The following PTPRF variants were observed in gnomAD, a reference collection of about 807,000 sequenced individuals.
PTPRF encodes the protein protein tyrosine phosphatase receptor type F, also known as receptor-type tyrosine-protein phosphatase F.
A neutral mutation model predicts 201.8 loss-of-function variants in PTPRF; 59 were observed. That is an observed-to-expected ratio of 0.29 (90% CI 0.24 to 0.36). The LOEUF is 0.36. Ranked by LOEUF, PTPRF falls within the 10% of genes least tolerant of loss-of-function variation. PTPRF has a pLI of 1.00. For synonymous variants in PTPRF, 1,088 were observed against 1,089.7 expected (o/e 1.00, Z 0.03); for missense variants, 2,132 against 2,690.5 (o/e 0.79, Z 4.59).
chr1:43,586,067 A>G (rs1237052900), intron 7 of PTPRF, among the ~76,000 whole-genome samples: 1 of 152,128 alleles, frequency 6.6e-6, no homozygotes, highest in African/African-American at 2.4e-5. Flanking sequence ...TTTTCATCAC[A>G]CAGACCTACT....
intron 5 of PTPRF, among the ~76,000 whole-genome samples, chr1:43,556,021 G>T (rs1159466415): frequency 6.6e-6 from 1 of 152,148 alleles, no homozygotes; most frequent in Non-Finnish European, 1.5e-5. Flanking sequence ...GCCAAGCAGG[G>T]CAGAAGAGGG....
At chr1:43,523,985 C>G (rs1643022270), upstream of PTPRF, among the ~76,000 whole-genome samples, 1 of 141,236 alleles carries the variant, frequency 7.1e-6, no homozygotes, top group African/African-American at 2.6e-5. Context: ...ATCACCTGAA[C>G]TCAGGAGGTG....
rs946828468 is a variant in PTPRF, at chr1:43,622,923, C to T, written c.*920C>T. On this transcript the variant is annotated 3_prime_UTR_variant, in exon 34 of 34. Transcript: ENST00000359947. Reference sequence around the variant, plus strand: ...AAAAAAAAAAAGAGTCAGCCCTTGGCTTCTGCTTCAAACCCTCAAGAGGGG... The same window carrying T: ...AAAAAAAAAAAGAGTCAGCCCTTGGTTTCTGCTTCAAACCCTCAAGAGGGG... 5 of 152,354 alleles carry T rather than the reference C, an allele frequency of 3.3e-5. No homozygotes were observed. The highest frequency in any genetic ancestry group is 5.9e-5 in the Non-Finnish European group (4 of 68,014). The allele number at this position is 152,354 out of a possible 1,614,324, so 9.4% of individuals were successfully genotyped here. A position where few individuals can be genotyped will look rare whatever the true frequency, so the allele number is the denominator to read the frequency against.
At position 43,603,773 on chromosome 1, in the gene PTPRF, A is replaced by T. The variant is rs780471380; in HGVS notation, c.2621A>T (p.Asp874Val). 23 of 1,613,904 alleles carry T rather than the reference A, an allele frequency of 1.4e-5. No homozygotes were observed. Among genetic ancestry groups the T allele is most frequent in the Non-Finnish European group, 1.9e-5 (22 of 1,180,036 alleles). The change falls in exon 16 of 34, where the codon GAC becomes GTC. Residue 874 changes from aspartate to valine, a missense_variant. Around this residue, in one of 6 missense-constraint regions of PTPRF, gnomAD observed 818 missense variants for 915.3 expected, o/e 0.89. Transcript: ENST00000359947. The surrounding 1 kb of genome is among the most constrained non-coding windows in gnomAD (Gnocchi z 5.8). ...AACACCATAGATTTCGGCAAGGATGACCAGCACTTCACAGTCACCGGCCTG... is the reference window on the plus strand; with the variant it reads ...AACACCATAGATTTCGGCAAGGATGTCCAGCACTTCACAGTCACCGGCCTG... The part of the protein sequence containing the change: ...RPNTIDFGKD[D>V]QHFTVTGLHK...
intron 7 of PTPRF, chr1:43,579,140 A>G (rs1647141364): frequency 1.4e-6 from 1 of 703,650 alleles, no homozygotes; most frequent in African/African-American, 1.8e-5. Flanking sequence ...CCCATGGGGA[A>G]GCAGCCACTC....
chr1:43,561,379 C>G (rs975184692), intron 5 of PTPRF, among the ~76,000 whole-genome samples: 1 of 152,186 alleles, frequency 6.6e-6, no homozygotes, highest in Non-Finnish European at 1.5e-5. Context: ...TTGGCCCAGG[C>G]CTGACTTTGA....
chr1:43,556,908 G>A (rs919630120), intron 5 of PTPRF, among the ~76,000 whole-genome samples: 5 of 152,226 alleles, frequency 3.3e-5, no homozygotes, highest in Non-Finnish European at 5.9e-5. Flanking sequence ...GCTCCCACGG[G>A]GGGACATACC....
At chr1:43,614,167 A>G (rs558608690) in intron 23 of PTPRF, among the ~76,000 whole-genome samples, 1 of 152,310 alleles carries the variant, frequency 6.6e-6, no homozygotes, top group South Asian at 2.1e-4. Flanking sequence ...GGGGACTGTT[A>G]TTATCCCATC....
In PTPRF at chr1:43,537,034, T is replaced by C. The variant is rs1260586148; in HGVS notation, c.-125-1164T>C. Reference sequence around the variant, plus strand: ...CACTGTGGTTTCTTTGTGTCCGTTATAGGAGGAGCCAAGGTGGCAGAGTGG... The same window carrying C: ...CACTGTGGTTTCTTTGTGTCCGTTACAGGAGGAGCCAAGGTGGCAGAGTGG... On this transcript the variant is annotated intron_variant, in intron 1 of 33. Coordinates refer to ENST00000359947, the MANE Select transcript of PTPRF (RefSeq NM_002840.5). The surrounding 1 kb of genome is among the most constrained non-coding windows in gnomAD (Gnocchi z 4.8). 1.3e-5 allele frequency among the ~76,000 whole-genome samples: 2 copies of C among 152,132 alleles called. No individual in the cohort carries two copies. The highest frequency in any genetic ancestry group is 4.8e-5 in the African/African-American group (2 of 41,418).
chr1:43,593,050 A>G (rs1651267994), intron 11 of PTPRF, among the ~76,000 whole-genome samples: 3 of 152,150 alleles, frequency 2.0e-5, no homozygotes, highest in Admixed American at 1.3e-4. Context: ...ACTCCCCATG[A>G]AAGTTACCTG....
At chr1:43,560,510 A>C (rs1232202582) in intron 5 of PTPRF, among the ~76,000 whole-genome samples, 1 of 152,030 alleles carries the variant, frequency 6.6e-6, no homozygotes, top group African/African-American at 2.4e-5. Context: ...GTGCCTTACA[A>C]CCTGTGTGGG....
At chr1:43,558,397 C>A (rs1430034720) in intron 5 of PTPRF, among the ~76,000 whole-genome samples, 2 of 152,160 alleles carry the variant, frequency 1.3e-5, no homozygotes, top group African/African-American at 4.8e-5. Context: ...GAGTGCCCCC[C>A]CAAATCCCCC....
At chr1:43,615,551 C>CTTTTTTCT (rs1657563501) in intron 23 of PTPRF, among the ~76,000 whole-genome samples, 1 of 84,162 alleles carries the variant, frequency 1.2e-5, no homozygotes, top group Non-Finnish European at 2.2e-5. Context: ...GCTCTGTTGT[C>CTTTTTTCT]TTTTTTTTTT....
At chr1:43,545,212 G>T (rs1163666068) in intron 3 of PTPRF, 46 bp downstream of exon 3, 1 of 1,535,844 alleles carries the variant, frequency 6.5e-7, no homozygotes, top group Non-Finnish European at 8.8e-7. Flanking sequence ...TTGAAAGGTG[G>T]CATCCTTCCC....
At chr1:43,621,820 C>T (rs942073621) in intron 33 of PTPRF, 115 bp from the exon 34 acceptor site, 22 of 1,013,234 alleles carry the variant, frequency 2.2e-5, no homozygotes, top group Middle Eastern at 2.1e-4. Flanking sequence ...TGCCAGGGTC[C>T]AGCACCTGCT....
At chr1:43,536,997 G>A (rs1570897002) in intron 1 of PTPRF, among the ~76,000 whole-genome samples, 1 of 152,166 alleles carries the variant, frequency 6.6e-6, no homozygotes, top group Admixed American at 6.5e-5. Flanking sequence ...ACATTCCCAC[G>A]CACCACCCTC....
chr1:43,604,762 G>C (rs1249594103), intron 16 of PTPRF, 141 bp from the exon 17 acceptor site: 2 of 709,442 alleles, frequency 2.8e-6, no homozygotes, highest in Admixed American at 2.3e-5. Context: ...CTGGGAGTGG[G>C]GCGCTTGGTA....
chr1:43,596,683 G>C (rs1652346858), intron 11 of PTPRF, among the ~76,000 whole-genome samples: 1 of 152,234 alleles, frequency 6.6e-6, no homozygotes, highest in Non-Finnish European at 1.5e-5. Context: ...TGCCAAAAGG[G>C]CCACTGGGGC....
At chr1:43,618,100 A>G (rs189012336) in intron 25 of PTPRF, among the ~76,000 whole-genome samples, 189 bp downstream of exon 25, 38 of 152,322 alleles carry the variant, frequency 2.5e-4, no homozygotes, top group African/African-American at 7.0e-4. Flanking sequence ...TGTTCCCCAC[A>G]TGCTAGTGGG....
Sources: gnomAD v4.1 joint callset for allele counts (sites outside exome capture counted in the v4.1 genomes callset) on GRCh38, gnomAD v4.1.1 for gene constraint, gnomAD v4.1.1 regional missense constraint, Gnocchi (gnomAD v3.1) non-coding constraint, MANE v1.5 for transcripts, NCBI Gene and HGNC (gene_info 2026-07-23, HGNC 2026-07-21) for gene names.